SYNE1: variants seen among roughly 807,000 people sequenced by gnomAD.
SYNE1 encodes the protein nesprin-1.
SYNE1 carries 616 observed loss-of-function variants against 1,111.0 expected under a neutral mutation model. The observed-to-expected ratio is 0.55, with a 90% confidence interval of 0.52 to 0.59. The LOEUF (loss-of-function observed/expected upper bound fraction) is 0.59. SYNE1 is among the 20% of genes least tolerant of loss of function. The pLI is 0.00. For synonymous variants in SYNE1, 3,855 were observed against 3,825.8 expected (o/e 1.01, Z -0.28); for missense variants, 10,006 against 10,417.0 (o/e 0.96, Z 1.72).
At chr6:152,381,714 G>A (rs955821937) in intron 55 of SYNE1, 1 of 343,480 alleles carries the variant, frequency 2.9e-6, no homozygotes, top group East Asian at 7.0e-5. Flanking sequence ...TTCCCTCAAA[G>A]TGGATGCTCA....
At position 152,132,587 on chromosome 6, in the gene SYNE1, T is replaced by G. The variant is rs191879160; in HGVS notation, c.26002-373A>C. 2.3e-3 allele frequency among the ~76,000 whole-genome samples: 358 copies of G among 152,356 alleles called. 3 individuals are homozygous for G. Among genetic ancestry groups the G allele is most frequent in the African/African-American group, 8.0e-3 (334 of 41,590 alleles). ...CTCAGGCTGAACAGAAGTCAATACA[T>G]TCCAGTTGGAAACAAAAGATAGTCA... is the stretch of plus-strand genomic sequence containing the variant. On this transcript the variant is annotated intron_variant, in intron 143 of 145. Transcript: ENST00000367255.
chr6:152,275,246 G>C lies in SYNE1; in HGVS notation c.18573+2843C>G, dbSNP rs77889835. ...AAAGAAGCTATAAAATTATGGGTTT[G>C]GGGTATACTGGCAAAGGTTTTCCCT... is the stretch of plus-strand genomic sequence containing the variant. On this transcript the variant is annotated intron_variant, in intron 98 of 145. Transcript: ENST00000367255. Among the ~76,000 whole-genome samples, 628 of 151,892 alleles carry C rather than the reference G, an allele frequency of 4.1e-3. 6 individuals are homozygous for C. In the East Asian group the frequency reaches 0.042, roughly 10 times the overall value.
intron 4 of SYNE1, among the ~76,000 whole-genome samples, chr6:152,536,404 T>C (rs2099240418): frequency 7.3e-6 from 1 of 136,624 alleles, no homozygotes; most frequent in African/African-American, 2.7e-5. Context: ...ATATATACTA[T>C]ATATAGTAAT....
intron 30 of SYNE1, 62 bp downstream of exon 30, chr6:152,444,349 C>T (rs530455936): frequency 1.3e-6 from 2 of 1,573,634 alleles, no homozygotes; most frequent in East Asian, 2.2e-5. Context: ...CTTTATCTCT[C>T]TGGTTCTTTC....
intron 117 of SYNE1, 117 bp from the exon 118 acceptor site, chr6:152,221,676 C>T: frequency 7.8e-7 from 1 of 1,281,792 alleles, no homozygotes; most frequent in Middle Eastern, 2.0e-4. Flanking sequence ...ATAAACCAGG[C>T]ATGACTTAGC....
At chr6:152,446,790 T>C (rs1164701478) in intron 29 of SYNE1, among the ~76,000 whole-genome samples, 2 of 152,190 alleles carry the variant, frequency 1.3e-5, no homozygotes, top group Non-Finnish European at 2.9e-5. Context: ...GGAAATGAAG[T>C]AGATGCGTTT....
At chr6:152,385,967 C>G in intron 54 of SYNE1, 129 bp from the exon 55 acceptor site, 1 of 861,020 alleles carries the variant, frequency 1.2e-6, no homozygotes, top group Non-Finnish European at 1.8e-6. Context: ...TGAATTTTCT[C>G]TGAGTTTAAT....
At chr6:152,418,675 G>T (rs1010563245) in intron 40 of SYNE1, among the ~76,000 whole-genome samples, 2 of 152,136 alleles carry the variant, frequency 1.3e-5, no homozygotes, top group Non-Finnish European at 2.9e-5. Flanking sequence ...ATTCAGAGAA[G>T]AGCTTTTCCT....
intron 131 of SYNE1, among the ~76,000 whole-genome samples, chr6:152,160,578 C>T (rs1375219420): frequency 3.3e-5 from 5 of 152,142 alleles, no homozygotes; most frequent in South Asian, 4.1e-4. Flanking sequence ...CATAGTAGTA[C>T]GTAGCCTGTG....
chr6:152,208,256 A>C, intron 124 of SYNE1, 50 bp from the exon 125 acceptor site: 1 of 1,547,482 alleles, frequency 6.5e-7, no homozygotes, highest in Non-Finnish European at 8.9e-7. Flanking sequence ...TCTTGGATGC[A>C]GTTACGCAAT....
chr6:152,495,271 A>T (rs2098993093), intron 11 of SYNE1, among the ~76,000 whole-genome samples: 1 of 152,268 alleles, frequency 6.6e-6, no homozygotes, highest in East Asian at 1.9e-4. Flanking sequence ...CTGTGCAGAC[A>T]CTTTCACTGG....
In SYNE1 at chr6:152,511,003, C is replaced by T. The variant is rs2154338487; in HGVS notation, c.402+8G>A. The T allele has an allele frequency of 1.9e-6, 3 of 1,612,444 alleles. No homozygotes were observed. The highest frequency in any genetic ancestry group is 2.2e-5 in the East Asian group (1 of 44,850). On this transcript the variant is annotated splice_region_variant and intron_variant, in intron 7 of 145. Coordinates refer to ENST00000367255, the MANE Select transcript of SYNE1 (RefSeq NM_182961.4). ...GCATCAACTGAAAGAGGAACTGTAG[C>T]ACAATACCTGGAAATATAGAATAAT...
At chr6:152,476,317 G>C (rs991840031) in intron 14 of SYNE1, among the ~76,000 whole-genome samples, 5 of 152,162 alleles carry the variant, frequency 3.3e-5, no homozygotes, top group Non-Finnish European at 7.3e-5. Context: ...GATAGAAACT[G>C]TTTTTTCAGT....
chr6:152,407,286 A>T, intron 44 of SYNE1, 90 bp from the exon 45 acceptor site: 6 of 1,301,400 alleles, frequency 4.6e-6, no homozygotes, highest in Non-Finnish European at 6.5e-6. Context: ...TTTTATCAGA[A>T]AAGTATATTC....
At chr6:152,284,420 T>TAGGATCATCTGTAATACA (rs539682086) in intron 95 of SYNE1, among the ~76,000 whole-genome samples, 3 of 152,146 alleles carry the variant, frequency 2.0e-5, no homozygotes, top group Admixed American at 1.3e-4. Context: ...TAGTTTTCAA[T>TAGGATCATCTGTAATACA]AGGATCATCT....
chr6:152,526,197 AGT>A (rs1564642073), intron 4 of SYNE1, 22 bp from the exon 5 acceptor site: 1 of 1,603,808 alleles, frequency 6.2e-7, no homozygotes. Context: ...AAGAGGAATA[AGT>A]GCAGAAAATA....
At chr6:152,399,966 T>A in intron 47 of SYNE1, 143 bp from the exon 48 acceptor site, 1 of 933,962 alleles carries the variant, frequency 1.1e-6, no homozygotes, top group Non-Finnish European at 1.6e-6. Context: ...CGTTTTTGAG[T>A]ACTTGTACTA....
At chr6:152,346,818 C>CAAAA (rs1267559856) in intron 73 of SYNE1, among the ~76,000 whole-genome samples, 1 of 152,084 alleles carries the variant, frequency 6.6e-6, no homozygotes, top group Non-Finnish European at 1.5e-5. Context: ...TCAAACAAAA[C>CAAAA]AAAACAAAAC....
Position 152,208,092 on chromosome 6 carries a change from A to G in SYNE1, c.22704T>C (p.Tyr7568=). The change falls in exon 125 of 146, where the codon TAT becomes TAC. Residue 7568 remains tyrosine (Y), a synonymous_variant. Coordinates refer to ENST00000367255, the MANE Select transcript of SYNE1 (RefSeq NM_182961.4). ...IDSQIRQWQR[Y]REMAEKLRKW... ...TACGAAGCTTTTCTGCCATCTCCCT[A>G]TAGCGCTGCCACTGGCGAATCTGGC... is the stretch of plus-strand genomic sequence containing the variant. 6.2e-7 allele frequency: 1 copy of G among 1,614,044 alleles called. No individual in the cohort carries two copies. Among genetic ancestry groups the G allele is most frequent in the Non-Finnish European group, 8.5e-7 (1 of 1,179,996 alleles).
Sources: gnomAD v4.1 joint callset for allele counts (sites outside exome capture counted in the v4.1 genomes callset) on GRCh38, gnomAD v4.1.1 for gene constraint, MANE v1.5 for transcripts, NCBI Gene and HGNC (gene_info 2026-07-23, HGNC 2026-07-21) for gene names.